MAP3K14: variants seen among roughly 807,000 people sequenced by gnomAD.
MAP3K14 encodes the protein NF-kappa-beta-inducing kinase.
Under a neutral mutation model 99.2 loss-of-function variants are expected in MAP3K14, and 16 were observed. That is an observed-to-expected ratio of 0.16 (90% CI 0.11 to 0.24). MAP3K14 has a LOEUF of 0.24. MAP3K14 is among the 10% of genes least tolerant of loss of function. The probability of loss-of-function intolerance (pLI) is 1.00; values close to 1 mark genes in which losing one functional copy is unlikely to be tolerated. For missense variants in MAP3K14, 784 were observed against 1,208.7 expected, an observed-to-expected ratio of 0.65 and a Z score of 5.21; for synonymous variants, 462 against 492.4, an observed-to-expected ratio of 0.94 and a Z score of 0.82.
chr17:45,277,204 C>G (rs1332684375), intron 6 of MAP3K14, among the ~76,000 whole-genome samples: 1 of 152,022 alleles, frequency 6.6e-6, no homozygotes, highest in Admixed American at 6.6e-5. Flanking sequence ...GCACAATGTG[C>G]AGGTTTGTTA....
intron 10 of MAP3K14, chr17:45,270,776 G>A (rs1598243795): frequency 1.3e-6 from 1 of 792,544 alleles, no homozygotes; most frequent in African/African-American, 1.7e-5. Flanking sequence ...GCAGCAAGAC[G>A]CCCACAGCCT....
chr17:45,264,535 G>C lies in MAP3K14; in HGVS notation c.*101C>G. 1 of 1,391,712 alleles carries C rather than the reference G, an allele frequency of 7.2e-7. No individual in the cohort carries two copies. The highest frequency in any genetic ancestry group is 1.5e-5 in the South Asian group (1 of 66,750). 86.2% of individuals were successfully genotyped at this position (1,391,712 alleles called of 1,614,324 possible). On this transcript the variant is annotated 3_prime_UTR_variant, in exon 16 of 16. Coordinates refer to ENST00000344686, the MANE Select transcript of MAP3K14 (RefSeq NM_003954.5). ...GGTCCCACTGCTGAGCCGGGGGCTGGCAGATCCCTGGGAACGGCTGAGCCT... is the reference window on the plus strand; with the variant it reads ...GGTCCCACTGCTGAGCCGGGGGCTGCCAGATCCCTGGGAACGGCTGAGCCT...
At chr17:45,270,378 GC>G in intron 11 of MAP3K14, 34 bp downstream of exon 11, 1 of 1,596,458 alleles carries the variant, frequency 6.3e-7, no homozygotes, top group South Asian at 1.1e-5. Flanking sequence ...TCTGTCTTCT[GC>G]CCCCCGGGTC....
chr17:45,277,750 C>T (rs1374462163), intron 6 of MAP3K14, among the ~76,000 whole-genome samples: 5 of 152,298 alleles, frequency 3.3e-5, no homozygotes, highest in East Asian at 1.9e-4. Context: ...CAGGACACCG[C>T]GTGAACTACT....
rs746196585 is a variant in MAP3K14 at position 45,270,594 on chromosome 17, G to A, written c.1822-31C>T. On this transcript the variant is annotated intron_variant, in intron 10 of 15. Coordinates refer to ENST00000344686, the MANE Select transcript of MAP3K14 (RefSeq NM_003954.5). Reference sequence around the variant, plus strand: ...GGGCAAAAGACAACAGGTGAGGCCTGCCTTCCCTCATTTCCTGATACCCGG... The same window carrying A: ...GGGCAAAAGACAACAGGTGAGGCCTACCTTCCCTCATTTCCTGATACCCGG... 8 of 1,517,162 alleles carry A rather than the reference G, an allele frequency of 5.3e-6. No homozygotes were observed. The South Asian group carries it at 9.2e-5, about 17-fold the overall frequency. 94.0% of individuals were successfully genotyped at this position (1,517,162 alleles called of 1,614,324 possible). A position where few individuals can be genotyped will look rare whatever the true frequency, so the allele number is the denominator to read the frequency against.
At chr17:45,265,979 C>T (rs1029739936) in intron 14 of MAP3K14, among the ~76,000 whole-genome samples, 1 of 152,232 alleles carries the variant, frequency 6.6e-6, no homozygotes, top group Admixed American at 6.5e-5. Flanking sequence ...GTTGAAGTGG[C>T]CTTTGGCCAG....
intron 1 of MAP3K14, among the ~76,000 whole-genome samples, chr17:45,291,383 G>A (rs1002372863): frequency 2.0e-5 from 3 of 152,148 alleles, no homozygotes; most frequent in Admixed American, 6.5e-5. Flanking sequence ...TGCCCAATGC[G>A]TCTGTTTGTG....
rs904445379 is a variant in MAP3K14 at position 45,266,416 on chromosome 17, C to T, written c.2578+121G>A. On this transcript the variant is annotated intron_variant, in intron 14 of 15. Transcript: ENST00000344686. Reference sequence around the variant, plus strand: ...GGCCAGGAACCTCAAGTTCTGGGACCAGGCGCCTTCCTCCCTCCCACTGTG... The same window carrying T: ...GGCCAGGAACCTCAAGTTCTGGGACTAGGCGCCTTCCTCCCTCCCACTGTG... 3.0e-6 allele frequency: 4 copies of T among 1,321,676 alleles called. No homozygotes were observed. The African/African-American group carries it at 4.4e-5, about 15-fold the overall frequency. The allele number at this position is 1,321,676 out of a possible 1,614,324, so 81.9% of individuals were successfully genotyped here. A position where few individuals can be genotyped will look rare whatever the true frequency, so the allele number is the denominator to read the frequency against.
At chr17:45,271,741 C>T (rs942984507) in intron 9 of MAP3K14, among the ~76,000 whole-genome samples, 4 of 152,224 alleles carry the variant, frequency 2.6e-5, no homozygotes, top group African/African-American at 9.6e-5. Flanking sequence ...TACAAAGTAA[C>T]AGAGCATCCA....
intron 10 of MAP3K14, 121 bp downstream of exon 10, chr17:45,270,937 C>T (rs749578780): frequency 1.5e-6 from 2 of 1,342,120 alleles, no homozygotes; most frequent in South Asian, 2.5e-5. Flanking sequence ...TAGGATCCCA[C>T]ATGGATGACC....
chr17:45,275,800 C>T (rs1440783352), intron 6 of MAP3K14, among the ~76,000 whole-genome samples: 8 of 138,420 alleles, frequency 5.8e-5, no homozygotes, highest in African/African-American at 1.1e-4. Context: ...CTTGCTCTGT[C>T]GCCCAGGCTG....
rs149496255 is a variant in MAP3K14, at chr17:45,299,635, C to T, written c.-20-8870G>A. ...GTGAGTGAAACGCAGCTGGAGGAAC[C>T]TCAGAACTGGACTCATTGGCCTGCT... is the stretch of plus-strand genomic sequence containing the variant. On this transcript the variant is annotated intron_variant, in intron 1 of 15. Transcript: ENST00000344686. Among the ~76,000 whole-genome samples the T allele has an allele frequency of 4.2e-3, 635 of 152,308 alleles. 3 individuals carry two copies. The highest frequency in any genetic ancestry group is 6.9e-3 in the Admixed American group (105 of 15,304).
intron 1 of MAP3K14, among the ~76,000 whole-genome samples, chr17:45,306,704 C>T (rs374796384): frequency 2.5e-4 from 38 of 152,298 alleles, no homozygotes; most frequent in Admixed American, 7.2e-4. Context: ...AGTACTTTTG[C>T]CCCCAGGCCC....
intron 3 of MAP3K14, 141 bp from the exon 4 acceptor site, chr17:45,287,505 T>C (rs2044277273): frequency 1.5e-6 from 1 of 664,308 alleles, no homozygotes; most frequent in Non-Finnish European, 2.6e-6. Flanking sequence ...GCAAGGTTTC[T>C]AAATCCCAAG....
intron 1 of MAP3K14, among the ~76,000 whole-genome samples, chr17:45,298,464 ATTATC>A (rs2044362323): frequency 6.6e-6 from 1 of 152,272 alleles, no homozygotes. Context: ...ACAAAACAAA[ATTATC>A]CAGAAAAGTT....
chr17:45,286,498 G>A lies in MAP3K14; in HGVS notation c.1085C>T (p.Ala362Val), dbSNP rs1413361984. Residue 362 changes from alanine (A) to valine (V), a missense_variant, in exon 5 of 16, where the codon GCA (alanine) becomes GTA (valine). This residue lies in a region of MAP3K14 where 138 missense variants were observed against 164.1 expected (regional missense o/e 0.84). Coordinates refer to ENST00000344686, the MANE Select transcript of MAP3K14 (RefSeq NM_003954.5). The surrounding 1 kb of genome is among the most constrained non-coding windows in gnomAD (Gnocchi z 4.1). ...SLTSLAKTWA[A>V]RGSRSREPSP... is the part of the protein sequence containing the mutation. ...GGGCTCCCGGGATCTGGAGCCCCTT[G>A]CTGCCCAGGTCTTGGCCAGGCTGGT... 2 of 1,605,814 alleles carry A rather than the reference G, an allele frequency of 1.2e-6. No individual in the cohort carries two copies. The highest frequency in any genetic ancestry group is 4.5e-5 in the East Asian group (2 of 44,630).
At chr17:45,284,702 C>G (rs913736955) in intron 6 of MAP3K14, 110 bp downstream of exon 6, 45 of 1,390,562 alleles carry the variant, frequency 3.2e-5, no homozygotes, top group Non-Finnish European at 4.0e-5. Flanking sequence ...GTTCTGTTCA[C>G]AAGTCAGACC....
At chr17:45,284,665 C>T (rs542127889) in intron 6 of MAP3K14, 147 bp downstream of exon 6, 248 of 1,038,208 alleles carry the variant, frequency 2.4e-4, no homozygotes, top group Admixed American at 3.2e-4. Flanking sequence ...CAGTTCCAGC[C>T]GACCTCAGGT....
chr17:45,270,457 G>C lies in MAP3K14; in HGVS notation c.1928C>G (p.Ser643Cys). 4 of 1,612,296 alleles carry C rather than the reference G, an allele frequency of 2.5e-6. No homozygotes were observed. The stretch of plus-strand genomic sequence containing the variant: ...CACCTTCCCTCCCAGCTCCGCTGCA[G>C]ACACGCGGTGGATGGGCTCTTTCCT... ...GLRKEPIHRV[S>C]AAELGGKVNR... The change falls in exon 11 of 16, where the codon TCT becomes TGT. Residue 643 changes from serine (S) to cysteine (C), a missense_variant. Around this residue, in one of 5 missense-constraint regions of MAP3K14, gnomAD observed 200 missense variants for 367.9 expected, o/e 0.54. Transcript: ENST00000344686.
Sources: allele counts gnomAD v4.1 joint callset (sites outside exome capture counted in the v4.1 genomes callset), GRCh38; gene constraint gnomAD v4.1.1; regional missense constraint gnomAD v4.1.1; non-coding constraint Gnocchi (gnomAD v3.1); transcripts MANE v1.5; gene names NCBI Gene and HGNC (gene_info 2026-07-23, HGNC 2026-07-21).